The following LRRC37A2 variants were observed in gnomAD, a reference collection of about 807,000 sequenced individuals.
The protein encoded by LRRC37A2 is leucine-rich repeat-containing protein 37A2.
In LRRC37A2, 9 loss-of-function variants were observed where a neutral mutation model predicts 68.8. The ratio of observed to expected loss-of-function variants is 0.13; its 90% confidence interval spans 0.08 to 0.23. The LOEUF (loss-of-function observed/expected upper bound fraction) is 0.23, where lower values mean the gene tolerates loss of function less well. Ranked by LOEUF, LRRC37A2 falls within the 10% of genes least tolerant of loss-of-function variation. The probability of loss-of-function intolerance (pLI) is 1.00; values close to 1 mark genes in which losing one functional copy is unlikely to be tolerated. For synonymous variants in LRRC37A2, 63 were observed against 367.6 expected (o/e 0.17, Z 9.48); for missense variants, 168 against 950.4 (o/e 0.18, Z 10.82).
chr17:46,520,006 AGTGT>A (rs1196158627), intron 3 of LRRC37A2, among the ~76,000 whole-genome samples: 15 of 81,546 alleles, frequency 1.8e-4, no homozygotes, highest in Non-Finnish European at 3.2e-5. Context: ...GGTGTGCTTG[AGTGT>A]GTGTGTGTGT....
downstream of LRRC37A2, among the ~76,000 whole-genome samples, chr17:46,558,479 C>T (rs1188246038): frequency 2.6e-5 from 3 of 117,446 alleles, no homozygotes; most frequent in East Asian, 8.9e-4. Context: ...CTCTGCCTTC[C>T]AGGTTCAAGT....
the LRRC37A2 span, among the ~76,000 whole-genome samples, chr17:46,835,872 C>T: frequency 6.6e-6 from 1 of 152,234 alleles, no homozygotes; most frequent in Non-Finnish European, 1.5e-5. Context: ...AGTTGAGCTA[C>T]CTTCACTAAA....
the LRRC37A2 span, chr17:46,931,183 C>T: frequency 1.9e-6 from 3 of 1,591,896 alleles, no homozygotes; most frequent in Non-Finnish European, 2.6e-6. Flanking sequence ...AAGGAGCCCC[C>T]TAACAAAAGG....
chr17:47,036,069 C>A, the LRRC37A2 span, among the ~76,000 whole-genome samples: 1 of 152,072 alleles, frequency 6.6e-6, no homozygotes, highest in Non-Finnish European at 1.5e-5. Flanking sequence ...GGATATTAGA[C>A]CTTAACAGAT....
At chr17:46,746,024 C>T in the LRRC37A2 span, among the ~76,000 whole-genome samples, 1 of 152,184 alleles carries the variant, frequency 6.6e-6, no homozygotes, top group African/African-American at 2.4e-5. Context: ...CCAGAAAAAG[C>T]TTTCTCTGCC....
the LRRC37A2 span, among the ~76,000 whole-genome samples, chr17:46,902,847 A>C: frequency 6.6e-6 from 1 of 152,126 alleles, no homozygotes; most frequent in East Asian, 1.9e-4. Context: ...CTAAGGGATA[A>C]ATCATGACTC....
the LRRC37A2 span, among the ~76,000 whole-genome samples, chr17:46,752,144 A>G: frequency 2.6e-5 from 4 of 152,222 alleles, no homozygotes; most frequent in Non-Finnish European, 5.9e-5. Flanking sequence ...TAGAAATTTC[A>G]TGCAAACTAC....
the LRRC37A2 span, among the ~76,000 whole-genome samples, chr17:47,006,754 T>C: frequency 1.1e-4 from 17 of 152,334 alleles, no homozygotes; most frequent in African/African-American, 4.1e-4. Flanking sequence ...ACACCTTATC[T>C]TCGGTCTATG....
At chr17:46,725,657 A>G in the LRRC37A2 span, among the ~76,000 whole-genome samples, 1 of 152,176 alleles carries the variant, frequency 6.6e-6, no homozygotes, top group African/African-American at 2.4e-5. Context: ...TGGTTAAAAG[A>G]TACCCAGGAA....
At chr17:46,772,249 A>G in the LRRC37A2 span, among the ~76,000 whole-genome samples, 1 of 151,868 alleles carries the variant, frequency 6.6e-6, no homozygotes, top group Non-Finnish European at 1.5e-5. Context: ...TCGGGCACAC[A>G]TCGCCCCTCC....
At chr17:46,807,342 T>TGTG in the LRRC37A2 span, among the ~76,000 whole-genome samples, 1 of 151,982 alleles carries the variant, frequency 6.6e-6, no homozygotes, top group Non-Finnish European at 1.5e-5. Flanking sequence ...ATTAGCTGGG[T>TGTG]GTGGTGGCGC....
chr17:46,609,920 G>A, the LRRC37A2 span, among the ~76,000 whole-genome samples: 2 of 142,438 alleles, frequency 1.4e-5, no homozygotes, highest in East Asian at 1.9e-4. Flanking sequence ...TGACCTCCTG[G>A]GCTCAAACCT....
At chr17:46,915,259 C>T in the LRRC37A2 span, among the ~76,000 whole-genome samples, 1 of 152,150 alleles carries the variant, frequency 6.6e-6, no homozygotes, top group Non-Finnish European at 1.5e-5. Flanking sequence ...GGCTGGAAGA[C>T]TGGACTCAGC....
the LRRC37A2 span, among the ~76,000 whole-genome samples, chr17:46,887,625 A>T: frequency 6.6e-6 from 1 of 152,068 alleles, no homozygotes; most frequent in Non-Finnish European, 1.5e-5. Flanking sequence ...TTAGCCGGGC[A>T]TGGTGGCATA....
chr17:46,878,127 G>A, the LRRC37A2 span, among the ~76,000 whole-genome samples: 2 of 152,236 alleles, frequency 1.3e-5, no homozygotes, highest in Admixed American at 6.5e-5. Flanking sequence ...GGGTCCCCTT[G>A]CTGGAGGCAT....
the LRRC37A2 span, among the ~76,000 whole-genome samples, chr17:47,031,040 A>G: frequency 6.6e-6 from 1 of 151,772 alleles, no homozygotes; most frequent in Non-Finnish European, 1.5e-5. Flanking sequence ...GATAAGGCTC[A>G]GGCCCCACAA....
chr17:46,771,806 T>C, the LRRC37A2 span, among the ~76,000 whole-genome samples: 1 of 139,600 alleles, frequency 7.2e-6, no homozygotes, highest in African/African-American at 2.6e-5. Context: ...AGAGGGCGTG[T>C]GAATGGCGCG....
the LRRC37A2 span, among the ~76,000 whole-genome samples, chr17:46,716,093 C>T: frequency 6.6e-6 from 1 of 152,088 alleles, no homozygotes; most frequent in African/African-American, 2.4e-5. Context: ...CAAAATATTT[C>T]CCTGCAAATA....
chr17:47,004,036 C>A, the LRRC37A2 span, among the ~76,000 whole-genome samples: 1 of 152,206 alleles, frequency 6.6e-6, no homozygotes, highest in Non-Finnish European at 1.5e-5. Context: ...CATGTCCCTA[C>A]AAAGGACATG....
Sources: gnomAD v4.1 joint callset for allele counts (sites outside exome capture counted in the v4.1 genomes callset) on GRCh38, gnomAD v4.1.1 for gene constraint, MANE v1.5 for transcripts, NCBI Gene and HGNC (gene_info 2026-07-23, HGNC 2026-07-21) for gene names.